The following PLCG2 variants were observed in gnomAD, a reference collection of about 807,000 sequenced individuals.
PLCG2 encodes phospholipase C gamma 2, also known as 1-phosphatidylinositol 4,5-bisphosphate phosphodiesterase gamma-2.
A neutral mutation model predicts 175.6 loss-of-function variants in PLCG2; 69 were observed. The observed-to-expected ratio is 0.39, with a 90% CI of 0.32 to 0.48. The LOEUF (loss-of-function observed/expected upper bound fraction) is 0.48, where lower values mean the gene tolerates loss of function less well. Among genes scored for constraint, PLCG2 ranks in the 20% least tolerant of loss-of-function variants. The pLI is 0.91. For missense variants in PLCG2, 1,798 were observed against 1,650.9 expected, an observed-to-expected ratio of 1.09 and a Z score of -1.54; for synonymous variants, 827 against 624.0, an observed-to-expected ratio of 1.33 and a Z score of -4.85.
Position 81,854,602 on chromosome 16 carries a change from C to G in PLCG2, c.337+15C>G, listed in dbSNP as rs1329676630. 6.2e-7 allele frequency: 1 copy of G among 1,610,604 alleles called. No individual in the cohort carries two copies. Among genetic ancestry groups the G allele is most frequent in the African/African-American group, 1.3e-5 (1 of 75,016 alleles). On this transcript the variant is annotated intron_variant, in intron 3 of 32. Coordinates refer to ENST00000564138, the MANE Select transcript of PLCG2 (RefSeq NM_002661.5). The stretch of plus-strand genomic sequence containing the variant: ...CAGCTTGGCAGGTAGGTGCATGTTT[C>G]TGTGCCTTTCTCCTTCCCTGTGCCT...
intron 1 of PLCG2, among the ~76,000 whole-genome samples, chr16:81,752,120 T>C (rs1909824271): frequency 6.6e-6 from 1 of 152,194 alleles, no homozygotes; most frequent in African/African-American, 2.4e-5. Flanking sequence ...AGGCCCCGTC[T>C]ATCACGTATG....
chr16:81,908,337 G>T, intron 16 of PLCG2, 79 bp from the exon 17 acceptor site: 1 of 1,329,550 alleles, frequency 7.5e-7, no homozygotes, highest in Non-Finnish European at 1.1e-6. Context: ...CTGGGTCAGG[G>T]TGAGACAGAA....
At chr16:81,868,924 A>C (rs944485790) in intron 5 of PLCG2, among the ~76,000 whole-genome samples, 1 of 152,056 alleles carries the variant, frequency 6.6e-6, no homozygotes, top group Non-Finnish European at 1.5e-5. Flanking sequence ...TATGTGACCT[A>C]TGTCCCTGGA....
chr16:81,775,268 C>A (rs1910374509), upstream of PLCG2, among the ~76,000 whole-genome samples: 1 of 152,116 alleles, frequency 6.6e-6, no homozygotes, highest in African/African-American at 2.4e-5. Flanking sequence ...CCTTGGCAAC[C>A]ACTGATCTAC....
At chr16:81,893,536 T>C (rs1012907588) in intron 11 of PLCG2, among the ~76,000 whole-genome samples, 173 bp from the exon 12 acceptor site, 3 of 152,248 alleles carry the variant, frequency 2.0e-5, no homozygotes, top group Non-Finnish European at 4.4e-5. Flanking sequence ...AGTGTGACCG[T>C]GGGATTGTGT....
In PLCG2 at chr16:81,858,167, T is replaced by TTC. The variant is rs1268340928; in HGVS notation, c.338-93_338-92dup. ...TGCAAAACTAGAAACCAGCATAGGC[T>TTC]TCTCCCATCTTCGTGATCTGTATGG... On this transcript the variant is annotated intron_variant, in intron 3 of 32. Transcript: ENST00000564138. The TTC allele has an allele frequency of 2.3e-5, 20 of 854,672 alleles. No homozygotes were observed. In the African/African-American group the frequency reaches 2.8e-4, roughly 12 times the overall value. 52.9% of individuals were successfully genotyped at this position (854,672 alleles called of 1,614,324 possible). A position where few individuals can be genotyped will look rare whatever the true frequency, so the allele number is the denominator to read the frequency against.
At chr16:81,889,527 G>T in intron 10 of PLCG2, 1 of 325,510 alleles carries the variant, frequency 3.1e-6, no homozygotes, top group Non-Finnish European at 5.7e-6. Flanking sequence ...CAAGGCAGGG[G>T]AATTGCAATA....
rs144517634 is a variant in PLCG2 at position 81,959,518 on chromosome 16, T to C, written c.*1520T>C. ...TCCACAAGCTCCTAAAAGAAAGCCA[T>C]TTACCTCGCTTGAAGCCAGGAACAC... On this transcript the variant is annotated 3_prime_UTR_variant, in exon 33 of 33. Coordinates refer to ENST00000564138, the MANE Select transcript of PLCG2 (RefSeq NM_002661.5). 0.015 allele frequency: 3,049 copies of C among 210,126 alleles called. 32 individuals carry two copies. Among genetic ancestry groups the C allele is most frequent in the Non-Finnish European group, 0.021 (2,123 of 103,374 alleles). 13.0% of individuals were successfully genotyped at this position (210,126 alleles called of 1,614,324 possible).
chr16:81,925,491 G>A (rs2143697432), intron 22 of PLCG2, among the ~76,000 whole-genome samples: 1 of 152,316 alleles, frequency 6.6e-6, no homozygotes, highest in East Asian at 1.9e-4. Flanking sequence ...GCAGTCCTGT[G>A]TCTCTGCTAG....
chr16:81,863,086 ATGTACTTC>A (rs1567504393), intron 5 of PLCG2, among the ~76,000 whole-genome samples: 1 of 152,214 alleles, frequency 6.6e-6, no homozygotes, highest in Non-Finnish European at 1.5e-5. Context: ...GTTCTTAGAT[ATGTACTTC>A]TGTGGGATGA....
intron 2 of PLCG2, among the ~76,000 whole-genome samples, chr16:81,756,893 C>T (rs924418049): frequency 7.2e-5 from 11 of 152,112 alleles, no homozygotes; most frequent in African/African-American, 2.2e-4. Flanking sequence ...GCCTGGGGCA[C>T]AGGCCTGGAA....
chr16:81,906,047 T>G (rs1451626246), intron 15 of PLCG2, among the ~76,000 whole-genome samples: 1 of 150,640 alleles, frequency 6.6e-6, no homozygotes, highest in Non-Finnish European at 1.5e-5. Context: ...GTATGGGATA[T>G]TCCCATCTAC....
In PLCG2 at chr16:81,961,727, T is replaced by C. The variant is rs1353781194; in HGVS notation, c.*3729T>C. On this transcript the variant is annotated 3_prime_UTR_variant, in exon 33 of 33. Coordinates refer to ENST00000564138, the MANE Select transcript of PLCG2 (RefSeq NM_002661.5). The stretch of plus-strand genomic sequence containing the variant: ...AGATCATAGTATCTATCAAATAACT[T>C]ATATTAAGAACCTCCTGGGCTAAAT... 1.9e-5 allele frequency: 4 copies of C among 206,216 alleles called. No individual in the cohort carries two copies. The highest frequency in any genetic ancestry group is 4.0e-5 in the Non-Finnish European group (4 of 101,144). The allele number at this position is 206,216 out of a possible 1,614,324, so 12.8% of individuals were successfully genotyped here.
chr16:81,957,685 A>G (rs1911629969), intron 32 of PLCG2, among the ~76,000 whole-genome samples: 1 of 152,048 alleles, frequency 6.6e-6, no homozygotes, highest in Non-Finnish European at 1.5e-5. Flanking sequence ...CCAACGAGAA[A>G]CTGTGCTGCC....
chr16:81,778,329 C>G (rs934282000), upstream of PLCG2, among the ~76,000 whole-genome samples: 4 of 152,212 alleles, frequency 2.6e-5, no homozygotes, highest in East Asian at 7.7e-4. Flanking sequence ...ATGATGGCAC[C>G]ACTGCACTCC....
rs762866755 is a variant in PLCG2 at position 81,889,217 on chromosome 16, A to G, written c.811A>G (p.Lys271Glu). Residue 271 changes from lysine to glutamate, a missense_variant, in exon 10 of 33, where the codon AAG (lysine) becomes GAG (glutamate). By Grantham distance (56) the Lys-to-Glu change is moderately conservative. Transcript: ENST00000564138. ...GAACAAAGTCCGTGAGCGGATGACAAAGTTCATTGATGACACCATGCGTGA... is the reference window on the plus strand; with the variant it reads ...GAACAAAGTCCGTGAGCGGATGACAGAGTTCATTGATGACACCATGCGTGA... Reference protein sequence around the residue: ...DLNKVRERMTKFIDDTMRETA... With the variant: ...DLNKVRERMTEFIDDTMRETA... 3 of 1,606,712 alleles carry G rather than the reference A, an allele frequency of 1.9e-6. No homozygotes were observed. The highest frequency in any genetic ancestry group is 2.5e-6 in the Non-Finnish European group (3 of 1,176,810).
intron 2 of PLCG2, among the ~76,000 whole-genome samples, chr16:81,826,658 C>G (rs1905061033): frequency 6.6e-6 from 1 of 152,220 alleles, no homozygotes; most frequent in Non-Finnish European, 1.5e-5. Flanking sequence ...ACCACGTCCT[C>G]TCAGTGGTCT....
intron 2 of PLCG2, among the ~76,000 whole-genome samples, chr16:81,813,960 G>T (rs906477169): frequency 6.6e-6 from 1 of 152,190 alleles, no homozygotes; most frequent in Non-Finnish European, 1.5e-5. Context: ...GAAGTTTGTG[G>T]CTATCGTGAA....
intron 2 of PLCG2, among the ~76,000 whole-genome samples, chr16:81,803,659 CCCTCCCTTCCTT>C (rs1455023100): frequency 2.6e-5 from 3 of 115,938 alleles, no homozygotes; most frequent in South Asian, 5.7e-4. Context: ...CTCCCTCCCT[CCCTCCCTTCCTT>C]CCTTCCTTCC....
Sources: allele counts gnomAD v4.1 joint callset (sites outside exome capture counted in the v4.1 genomes callset), GRCh38; gene constraint gnomAD v4.1.1; transcripts MANE v1.5; gene names NCBI Gene and HGNC (gene_info 2026-07-23, HGNC 2026-07-21).